Variants in PPP1R9A observed in about 807,000 individuals in gnomAD.
The protein encoded by PPP1R9A is protein phosphatase 1 regulatory subunit 9A.
A neutral mutation model predicts 141.9 loss-of-function variants in PPP1R9A; 59 were observed. The observed-to-expected ratio is 0.42, with a 90% CI of 0.34 to 0.52. PPP1R9A has a LOEUF of 0.52. Ranked by LOEUF, PPP1R9A falls within the 20% of genes least tolerant of loss-of-function variation. PPP1R9A has a pLI of 0.10. For missense variants in PPP1R9A, 1,444 were observed against 1,611.9 expected (o/e 0.90, Z 1.78); for synonymous variants, 500 against 569.7 (o/e 0.88, Z 1.74).
chr7:95,000,029 C>G (rs1161749206), intron 2 of PPP1R9A, among the ~76,000 whole-genome samples: 3 of 152,022 alleles, frequency 2.0e-5, no homozygotes, highest in Non-Finnish European at 4.4e-5. Flanking sequence ...TCTTAAAATC[C>G]TGACCTCAAC....
At chr7:95,270,076 C>T (rs1801929636) in intron 14 of PPP1R9A, among the ~76,000 whole-genome samples, 1 of 152,140 alleles carries the variant, frequency 6.6e-6, no homozygotes, top group Admixed American at 6.6e-5. Context: ...GGAGTACAGT[C>T]ACACTTTTTT....
chr7:95,067,589 A>G (rs1212966341), intron 2 of PPP1R9A, among the ~76,000 whole-genome samples: 1 of 151,920 alleles, frequency 6.6e-6, no homozygotes, highest in Non-Finnish European at 1.5e-5. Context: ...CTCAGGTATA[A>G]ACAACTTTTA....
chr7:94,981,928 A>T (rs1189384300), intron 2 of PPP1R9A, among the ~76,000 whole-genome samples: 1 of 151,666 alleles, frequency 6.6e-6, no homozygotes, highest in Non-Finnish European at 1.5e-5. Flanking sequence ...GCACCCATTA[A>T]CTCATCATTT....
intron 2 of PPP1R9A, among the ~76,000 whole-genome samples, chr7:94,966,255 A>G (rs966433847): frequency 1.3e-5 from 2 of 152,222 alleles, no homozygotes; most frequent in South Asian, 2.1e-4. Flanking sequence ...TACAACATAT[A>G]CAGTCATGTC....
rs1806380863 is a variant in PPP1R9A at position 95,291,683 on chromosome 7, G to A, written c.*1380G>A. The A allele has an allele frequency of 6.6e-6, 1 of 152,138 alleles. No homozygotes were observed. The highest frequency in any genetic ancestry group is 2.4e-5 in the African/African-American group (1 of 41,438). The allele number at this position is 152,138 out of a possible 1,614,324, so 9.4% of individuals were successfully genotyped here. A position where few individuals can be genotyped will look rare whatever the true frequency, so the allele number is the denominator to read the frequency against. ...TGTATCTGGTTCTCTTTGCTGCGTT[G>A]ACTCTAAAAATGAGGTTATCCACTT... is the stretch of plus-strand genomic sequence containing the variant. On this transcript the variant is annotated 3_prime_UTR_variant, in exon 20 of 20. Transcript: ENST00000433360.
chr7:95,099,632 T>C (rs1177515219), intron 2 of PPP1R9A, among the ~76,000 whole-genome samples: 1 of 152,172 alleles, frequency 6.6e-6, no homozygotes, highest in Non-Finnish European at 1.5e-5. Context: ...TTTAATGGCA[T>C]AAACTATTTT....
chr7:95,174,816 A>G (rs1208045553), intron 5 of PPP1R9A: 3 of 152,256 alleles, frequency 2.0e-5, no homozygotes, highest in South Asian at 2.1e-4. Context: ...TTGAAAACTC[A>G]TGTTTCTTGA....
intron 2 of PPP1R9A, among the ~76,000 whole-genome samples, chr7:95,065,965 C>T (rs539983237): frequency 1.3e-5 from 2 of 152,238 alleles, no homozygotes; most frequent in African/African-American, 2.4e-5. Flanking sequence ...AGTTAATAAG[C>T]CTAGGCAAGG....
chr7:95,040,129 C>T (rs746180932), intron 2 of PPP1R9A, among the ~76,000 whole-genome samples: 19 of 151,978 alleles, frequency 1.3e-4, no homozygotes, highest in African/African-American at 1.7e-4. Context: ...GTAATTGTAC[C>T]TTCAATTTCA....
chr7:95,039,712 G>T (rs1808948112), intron 2 of PPP1R9A, among the ~76,000 whole-genome samples: 2 of 151,200 alleles, frequency 1.3e-5, no homozygotes, highest in Non-Finnish European at 2.9e-5. Context: ...AAATTGAAAT[G>T]TAAGGGAAAA....
intron 2 of PPP1R9A, among the ~76,000 whole-genome samples, chr7:95,015,406 TTG>T (rs1451320255): frequency 2.0e-5 from 3 of 152,114 alleles, no homozygotes; most frequent in Non-Finnish European, 2.9e-5. Context: ...TTGCTTTCAT[TTG>T]TAAGGATTAT....
intron 3 of PPP1R9A, among the ~76,000 whole-genome samples, chr7:95,117,797 A>G (rs1821776859): frequency 6.6e-6 from 1 of 152,086 alleles, no homozygotes; most frequent in Non-Finnish European, 1.5e-5. Flanking sequence ...AAACCCTGTG[A>G]GTATAATGAA....
At chr7:95,007,523 T>C (rs574384390) in intron 2 of PPP1R9A, among the ~76,000 whole-genome samples, 1 of 152,332 alleles carries the variant, frequency 6.6e-6, no homozygotes, top group East Asian at 1.9e-4. Context: ...GTCTCCTCAA[T>C]TGTGTTATTA....
intron 4 of PPP1R9A, among the ~76,000 whole-genome samples, chr7:95,150,359 G>A (rs1166068906): frequency 6.6e-5 from 10 of 152,240 alleles, no homozygotes; most frequent in South Asian, 2.1e-4. Flanking sequence ...CTGGAGTGCC[G>A]TGGCACAATC....
intron 2 of PPP1R9A, among the ~76,000 whole-genome samples, chr7:94,928,660 T>C (rs1180829145): frequency 6.6e-6 from 1 of 152,208 alleles, no homozygotes; most frequent in Non-Finnish European, 1.5e-5. Context: ...TAAACCTTTT[T>C]GCCCTCTTTA....
intron 2 of PPP1R9A, among the ~76,000 whole-genome samples, chr7:95,011,640 G>C (rs553896102): frequency 6.6e-6 from 1 of 152,296 alleles, no homozygotes; most frequent in African/African-American, 2.4e-5. Flanking sequence ...CTACTGGAGA[G>C]AACAACTTTC....
intron 16 of PPP1R9A, among the ~76,000 whole-genome samples, chr7:95,275,057 T>C (rs1000512409): frequency 3.3e-5 from 5 of 152,216 alleles, no homozygotes; most frequent in African/African-American, 1.2e-4. Flanking sequence ...GTTACCTTAT[T>C]ATTATTTGCA....
intron 2 of PPP1R9A, among the ~76,000 whole-genome samples, chr7:95,029,829 A>C (rs376546171): frequency 2.0e-5 from 3 of 152,186 alleles, no homozygotes; most frequent in Non-Finnish European, 2.9e-5. Context: ...TGCATATCTT[A>C]GTGAATCAAA....
chr7:95,245,907 A>C (rs540769832), intron 8 of PPP1R9A, among the ~76,000 whole-genome samples: 4 of 152,304 alleles, frequency 2.6e-5, no homozygotes, highest in Admixed American at 1.3e-4. Context: ...CCACACCAGC[A>C]AGATGGCCAG....
Sources: gnomAD v4.1 joint callset for allele counts (sites outside exome capture counted in the v4.1 genomes callset) on GRCh38, gnomAD v4.1.1 for gene constraint, MANE v1.5 for transcripts, NCBI Gene and HGNC (gene_info 2026-07-23, HGNC 2026-07-21) for gene names.